CTNNBL1: variants seen among roughly 807,000 people sequenced by gnomAD.
CTNNBL1 encodes the protein catenin beta like 1, also known as beta-catenin-like protein 1.
In CTNNBL1, 31 loss-of-function variants were observed where a neutral mutation model predicts 72.7. The observed-to-expected ratio is 0.43, with a 90% CI of 0.32 to 0.58. CTNNBL1 has a LOEUF of 0.58. CTNNBL1 is among the 20% of genes least tolerant of loss of function. CTNNBL1 has a pLI of 0.08. For missense variants in CTNNBL1, 534 were observed against 725.1 expected, an observed-to-expected ratio of 0.74 and a Z score of 3.03; for synonymous variants, 240 against 267.3, an observed-to-expected ratio of 0.90 and a Z score of 1.00.
chr20:37,871,978 CAA>C lies in CTNNBL1; in HGVS notation c.1660_1661del (p.Lys554AlafsTer?). On this transcript the variant is annotated frameshift_variant, in exon 16 of 16. Coordinates refer to ENST00000361383, the MANE Select transcript of CTNNBL1 (RefSeq NM_030877.5). LOFTEE classifies it high-confidence loss of function. ...GAGCCCGGAGTTCCGGGAGAACGAG[CAA>C]AAGCGCATCCTGGGCTTGCTGGAGA... ...GRSPEFRENE[Q>X]KRILGLLENF The C allele has an allele frequency of 1.2e-6, 2 of 1,614,078 alleles. No homozygotes were observed. Among genetic ancestry groups the C allele is most frequent in the Non-Finnish European group, 1.7e-6 (2 of 1,179,990 alleles).
chr20:37,818,347 TG>T (rs2072077389), intron 11 of CTNNBL1, among the ~76,000 whole-genome samples: 1 of 152,334 alleles, frequency 6.6e-6, no homozygotes, highest in South Asian at 2.1e-4. Context: ...CAGTCAACTT[TG>T]GGAGATCCTC....
chr20:37,767,829 G>T, intron 6 of CTNNBL1, 124 bp from the exon 7 acceptor site: 1 of 722,754 alleles, frequency 1.4e-6, no homozygotes. Flanking sequence ...TGACAACCCA[G>T]CATCTGGCTG....
At chr20:37,745,086 A>G (rs1273633921) in intron 3 of CTNNBL1, among the ~76,000 whole-genome samples, 1 of 152,232 alleles carries the variant, frequency 6.6e-6, no homozygotes, top group Admixed American at 6.5e-5. Flanking sequence ...CCGGTTTTCT[A>G]CAAAAAGTAT....
intron 10 of CTNNBL1, among the ~76,000 whole-genome samples, chr20:37,786,177 T>G (rs1269211021): frequency 6.6e-6 from 1 of 152,216 alleles, no homozygotes; most frequent in Non-Finnish European, 1.5e-5. Context: ...AGCACCACTG[T>G]GGCCACCACT....
At position 37,804,078 on chromosome 20, in the gene CTNNBL1, C is replaced by T. The variant is rs114663463; in HGVS notation, c.1213+1030C>T. 2.8e-3 allele frequency among the ~76,000 whole-genome samples: 429 copies of T among 152,260 alleles called. 2 individuals carry two copies. The highest frequency in any genetic ancestry group is 9.2e-3 in the African/African-American group (382 of 41,544). ...TATCTTCTCTATCAAATCAACTCTC[C>T]AGAGACAACAGGAAATCTGGCTGGA... On this transcript the variant is annotated intron_variant, in intron 11 of 15. Coordinates refer to ENST00000361383, the MANE Select transcript of CTNNBL1 (RefSeq NM_030877.5).
intron 10 of CTNNBL1, among the ~76,000 whole-genome samples, chr20:37,780,774 A>G (rs946637075): frequency 6.6e-6 from 1 of 152,216 alleles, no homozygotes; most frequent in African/African-American, 2.4e-5. Flanking sequence ...CTTGGAAACC[A>G]TAACTTTAAG....
At chr20:37,803,849 T>A (rs2071928202) in intron 11 of CTNNBL1, among the ~76,000 whole-genome samples, 1 of 151,230 alleles carries the variant, frequency 6.6e-6, no homozygotes, top group Non-Finnish European at 1.5e-5. Context: ...GTTCGTCCCA[T>A]GGTTTAGGAG....
chr20:37,726,855 T>C (rs1408312699), intron 1 of CTNNBL1, among the ~76,000 whole-genome samples: 3 of 152,194 alleles, frequency 2.0e-5, no homozygotes, highest in Admixed American at 6.5e-5. Context: ...ACAAATGCGC[T>C]CTTCACATTA....
chr20:37,861,630 A>G (rs370673774), intron 15 of CTNNBL1, among the ~76,000 whole-genome samples: 1 of 152,324 alleles, frequency 6.6e-6, no homozygotes, highest in East Asian at 1.9e-4. Flanking sequence ...AAATGTGAGG[A>G]TAAACATAGT....
At chr20:37,764,138 T>TA (rs1209698951) in intron 5 of CTNNBL1, among the ~76,000 whole-genome samples, 2 of 152,144 alleles carry the variant, frequency 1.3e-5, no homozygotes, top group African/African-American at 4.8e-5. Context: ...GTAAGGCCTG[T>TA]TACATATTTT....
intron 11 of CTNNBL1, among the ~76,000 whole-genome samples, chr20:37,812,330 T>A (rs1374358296): frequency 6.6e-6 from 1 of 152,246 alleles, no homozygotes; most frequent in African/African-American, 2.4e-5. Context: ...CATGTTTACA[T>A]ATAGGATATA....
chr20:37,824,456 C>T (rs992672795), intron 11 of CTNNBL1, among the ~76,000 whole-genome samples: 1 of 152,200 alleles, frequency 6.6e-6, no homozygotes, highest in Non-Finnish European at 1.5e-5. Context: ...TTGGGGTAAA[C>T]GCCTGAATTC....
intron 10 of CTNNBL1, among the ~76,000 whole-genome samples, chr20:37,795,891 T>G (rs923109063): frequency 1.5e-5 from 2 of 134,064 alleles, no homozygotes; most frequent in Admixed American, 8.4e-5. Context: ...AATTTTACCT[T>G]GTTAGATGTT....
intron 1 of CTNNBL1, among the ~76,000 whole-genome samples, chr20:37,712,588 G>A (rs905400862): frequency 6.6e-6 from 1 of 152,212 alleles, no homozygotes; most frequent in Non-Finnish European, 1.5e-5. Context: ...GCATTGAGCA[G>A]CGATTGTGAA....
At chr20:37,848,311 C>T (rs768138009) in intron 13 of CTNNBL1, among the ~76,000 whole-genome samples, 4 of 152,152 alleles carry the variant, frequency 2.6e-5, no homozygotes, top group Non-Finnish European at 4.4e-5. Context: ...TGTGCCACCA[C>T]GCCCAGCTAA....
chr20:37,796,881 C>T (rs2122724720), intron 10 of CTNNBL1, among the ~76,000 whole-genome samples: 1 of 152,180 alleles, frequency 6.6e-6, no homozygotes, highest in East Asian at 1.9e-4. Flanking sequence ...AAAACTTCTC[C>T]TCTGAAGTGC....
At chr20:37,799,198 C>T (rs574432796) in intron 10 of CTNNBL1, among the ~76,000 whole-genome samples, 7 of 152,286 alleles carry the variant, frequency 4.6e-5, no homozygotes, top group African/African-American at 9.6e-5. Context: ...GTGTCATTCC[C>T]GTCCCTTCTT....
intron 1 of CTNNBL1, 128 bp downstream of exon 1, chr20:37,694,280 G>T: frequency 9.0e-6 from 7 of 775,692 alleles, no homozygotes; most frequent in South Asian, 4.3e-5. Flanking sequence ...GCCACCCGGG[G>T]TCTCAGCCCC....
intron 1 of CTNNBL1, among the ~76,000 whole-genome samples, chr20:37,730,207 C>T (rs2073117796): frequency 6.6e-6 from 1 of 152,162 alleles, no homozygotes; most frequent in Non-Finnish European, 1.5e-5. Flanking sequence ...TCTCTTATTA[C>T]CAAACAACTT....
Sources: gnomAD v4.1 joint callset for allele counts (sites outside exome capture counted in the v4.1 genomes callset) on GRCh38, gnomAD v4.1.1 for gene constraint, MANE v1.5 for transcripts, NCBI Gene and HGNC (gene_info 2026-07-23, HGNC 2026-07-21) for gene names.